The following ATP2B2 variants were observed in gnomAD, a reference collection of about 807,000 sequenced individuals.
ATP2B2 encodes the protein ATPase plasma membrane Ca2+ transporting 2, also known as plasma membrane calcium-transporting ATPase 2.
In ATP2B2, 15 loss-of-function variants were observed where a neutral mutation model predicts 120.0. The observed-to-expected ratio is 0.12, with a 90% CI of 0.08 to 0.19. ATP2B2 has a LOEUF of 0.19. ATP2B2 is among the 10% of genes least tolerant of loss of function. The pLI, the probability that ATP2B2 is intolerant of heterozygous loss-of-function variation, is 1.00. For missense variants in ATP2B2, 1,045 were observed against 1,719.8 expected, an observed-to-expected ratio of 0.61 and a Z score of 6.94; for synonymous variants, 694 against 700.3, an observed-to-expected ratio of 0.99 and a Z score of 0.14.
At chr3:10,407,507 C>T (rs1348463185) in intron 3 of ATP2B2, among the ~76,000 whole-genome samples, 2 of 152,206 alleles carry the variant, frequency 1.3e-5, no homozygotes, top group Admixed American at 1.3e-4. Flanking sequence ...CTGTTCTGTG[C>T]ACAGGGCTGC....
chr3:10,491,451 C>G (rs987622481), intron 1 of ATP2B2, among the ~76,000 whole-genome samples: 7 of 152,154 alleles, frequency 4.6e-5, no homozygotes, highest in Admixed American at 4.6e-4. Context: ...GTATGGAATT[C>G]CTGACCCCAA....
intron 22 of ATP2B2, among the ~76,000 whole-genome samples, chr3:10,337,021 G>T (rs536900921): frequency 2.0e-4 from 30 of 152,268 alleles, no homozygotes; most frequent in Admixed American, 7.2e-4. Context: ...TGGCTGCGGG[G>T]CCCTAACCAG....
Position 10,410,572 on chromosome 3 carries a change from G to C in ATP2B2, c.397+46C>G, listed in dbSNP as rs769394495. On this transcript the variant is annotated intron_variant, in intron 3 of 22. Transcript: ENST00000360273. ...GTGAGTGCCCCCCAGCGTGGATGCGGTGGCCAGGTGTGCGGGGCGGTTCGT... is the reference window on the plus strand; with the variant it reads ...GTGAGTGCCCCCCAGCGTGGATGCGCTGGCCAGGTGTGCGGGGCGGTTCGT... 5.2e-6 allele frequency: 8 copies of C among 1,545,888 alleles called. No homozygotes were observed. The South Asian group carries it at 9.9e-5, about 19-fold the overall frequency.
chr3:10,397,744 C>T (rs903669638), intron 5 of ATP2B2, among the ~76,000 whole-genome samples: 11 of 152,194 alleles, frequency 7.2e-5, no homozygotes, highest in East Asian at 3.9e-4. Flanking sequence ...CTGGGAGGGG[C>T]GCTGAATGCG....
intron 2 of ATP2B2, among the ~76,000 whole-genome samples, chr3:10,585,669 C>T (rs931981188): frequency 6.6e-6 from 1 of 151,964 alleles, no homozygotes; most frequent in Non-Finnish European, 1.5e-5. Context: ...GGGGCCTCTG[C>T]ACTCACCATT....
intron 2 of ATP2B2, among the ~76,000 whole-genome samples, chr3:10,557,429 C>T (rs1176988461): frequency 2.0e-5 from 3 of 152,220 alleles, no homozygotes; most frequent in Non-Finnish European, 4.4e-5. Flanking sequence ...GGAGTTTGTG[C>T]CCCTGCTGCA....
At chr3:10,546,314 C>A (rs1027786529) in intron 2 of ATP2B2, among the ~76,000 whole-genome samples, 3 of 152,154 alleles carry the variant, frequency 2.0e-5, no homozygotes, top group African/African-American at 7.2e-5. Flanking sequence ...GAACCCTCTC[C>A]CCATATCCAC....
At chr3:10,600,768 A>G (rs1187691449) in intron 2 of ATP2B2, among the ~76,000 whole-genome samples, 1 of 152,174 alleles carries the variant, frequency 6.6e-6, no homozygotes, top group Non-Finnish European at 1.5e-5. Context: ...CCTGGGGATC[A>G]CTCACCTTGC....
At chr3:10,628,232 C>T (rs1035761353) in intron 1 of ATP2B2, among the ~76,000 whole-genome samples, 2 of 152,212 alleles carry the variant, frequency 1.3e-5, no homozygotes, top group African/African-American at 4.8e-5. Flanking sequence ...GAGTCATTAA[C>T]AGATGTACAG....
intron 3 of ATP2B2, among the ~76,000 whole-genome samples, chr3:10,512,802 C>G (rs533098351): frequency 6.6e-6 from 1 of 152,308 alleles, no homozygotes; most frequent in East Asian, 1.9e-4. Context: ...CACCCACAGG[C>G]GGCAATTCCG....
At chr3:10,640,326 C>A (rs1343912764) in intron 1 of ATP2B2, among the ~76,000 whole-genome samples, 2 of 152,170 alleles carry the variant, frequency 1.3e-5, no homozygotes, top group Non-Finnish European at 2.9e-5. Flanking sequence ...CAGACAGACA[C>A]AAGTGGTCCA....
intron 2 of ATP2B2, among the ~76,000 whole-genome samples, chr3:10,430,918 T>G (rs1409461634): frequency 6.6e-6 from 1 of 151,696 alleles, no homozygotes; most frequent in Non-Finnish European, 1.5e-5. Flanking sequence ...CAGCTCCAGG[T>G]TCTAACAGAG....
At chr3:10,523,452 G>T (rs1053347883) in intron 3 of ATP2B2, among the ~76,000 whole-genome samples, 1 of 152,134 alleles carries the variant, frequency 6.6e-6, no homozygotes, top group African/African-American at 2.4e-5. Flanking sequence ...TCTCTGGCAG[G>T]CCACCCTAGC....
intron 12 of ATP2B2, among the ~76,000 whole-genome samples, chr3:10,367,080 G>C (rs1559235369): frequency 6.6e-6 from 1 of 152,192 alleles, no homozygotes; most frequent in Non-Finnish European, 1.5e-5. Context: ...GTTCTTCTGA[G>C]CGCTGGGAGG....
At chr3:10,514,636 G>A (rs969067835) in intron 3 of ATP2B2, among the ~76,000 whole-genome samples, 2 of 152,208 alleles carry the variant, frequency 1.3e-5, no homozygotes, top group Admixed American at 1.3e-4. Context: ...GCCAGGGCTT[G>A]GAGGCAAGTG....
At chr3:10,488,288 T>TCCATCCATCCAC (rs2065788088) in intron 1 of ATP2B2, among the ~76,000 whole-genome samples, 4 of 113,890 alleles carry the variant, frequency 3.5e-5, no homozygotes, top group Admixed American at 8.5e-5. Flanking sequence ...CATGCATCCA[T>TCCATCCATCCAC]CCACCCACCC....
intron 17 of ATP2B2, 52 bp from the exon 18 acceptor site, chr3:10,345,627 C>A (rs899313896): frequency 6.5e-7 from 1 of 1,550,026 alleles, no homozygotes; most frequent in Non-Finnish European, 8.9e-7. Context: ...GAGGTGACCA[C>A]TTCTAGCATC....
chr3:10,411,009 A>G (rs368763002), intron 2 of ATP2B2, among the ~76,000 whole-genome samples, 194 bp from the exon 3 acceptor site: 2 of 152,190 alleles, frequency 1.3e-5, no homozygotes, highest in Non-Finnish European at 2.9e-5. Context: ...AGTGGGTTGA[A>G]TGGCAGCCTC....
chr3:10,676,395 A>G (rs1423755221), intron 1 of ATP2B2, among the ~76,000 whole-genome samples: 1 of 152,118 alleles, frequency 6.6e-6, no homozygotes, highest in Non-Finnish European at 1.5e-5. Context: ...TGAGCAAGAC[A>G]TTGGCAGCTG....
Sources: gnomAD v4.1 joint callset for allele counts (sites outside exome capture counted in the v4.1 genomes callset) on GRCh38, gnomAD v4.1.1 for gene constraint, MANE v1.5 for transcripts, NCBI Gene and HGNC (gene_info 2026-07-23, HGNC 2026-07-21) for gene names.